GSG1L: variants seen among roughly 807,000 people sequenced by gnomAD.
GSG1L encodes the protein germ cell-specific gene 1-like protein.
GSG1L carries 24 observed loss-of-function variants against 42.1 expected under a neutral mutation model. The ratio of observed to expected loss-of-function variants is 0.57; its 90% CI spans 0.41 to 0.80. GSG1L has a LOEUF of 0.80. Among genes scored for constraint, GSG1L ranks in the 30% least tolerant of loss-of-function variants. The pLI is 0.00. For synonymous variants in GSG1L, 215 were observed against 203.5 expected, an observed-to-expected ratio of 1.06 and a Z score of -0.48; for missense variants, 445 against 472.2, an observed-to-expected ratio of 0.94 and a Z score of 0.53.
intron 3 of GSG1L, among the ~76,000 whole-genome samples, chr16:27,853,967 T>C (rs911590510): frequency 2.6e-5 from 4 of 152,034 alleles, no homozygotes. Flanking sequence ...GGTAACTAGA[T>C]AGAAAACACC....
At chr16:27,812,600 C>T (rs999656659) in intron 5 of GSG1L, among the ~76,000 whole-genome samples, 5 of 151,948 alleles carry the variant, frequency 3.3e-5, no homozygotes, top group African/African-American at 9.7e-5. Flanking sequence ...GAAGCCACCA[C>T]GGGAGTTTTT....
intron 6 of GSG1L, among the ~76,000 whole-genome samples, chr16:27,800,372 G>A (rs1428773309): frequency 6.6e-6 from 1 of 152,122 alleles, no homozygotes; most frequent in Admixed American, 6.5e-5. Context: ...CCACCTCCGC[G>A]CCCAGCATGC....
intron 6 of GSG1L, 64 bp from the exon 7 acceptor site, chr16:27,791,531 A>T: frequency 9.5e-7 from 1 of 1,048,870 alleles, no homozygotes. Flanking sequence ...CTGTCTACCC[A>T]CCGCCCCCCA....
At chr16:27,863,656 G>A (rs906616898) in intron 3 of GSG1L, among the ~76,000 whole-genome samples, 1 of 152,180 alleles carries the variant, frequency 6.6e-6, no homozygotes, top group Non-Finnish European at 1.5e-5. Context: ...GGCAACAGGG[G>A]ATTCCAGGCC....
chr16:28,000,984 A>C (rs2085573252), intron 1 of GSG1L, among the ~76,000 whole-genome samples: 1 of 152,136 alleles, frequency 6.6e-6, no homozygotes, highest in African/African-American at 2.4e-5. Flanking sequence ...TTGCAATTAC[A>C]AGTCAATTCT....
chr16:27,944,758 A>G (rs2141087214), intron 2 of GSG1L, among the ~76,000 whole-genome samples: 1 of 152,156 alleles, frequency 6.6e-6, no homozygotes, highest in Non-Finnish European at 1.5e-5. Flanking sequence ...ATGTGCCTAT[A>G]ATTAGCAAAT....
intron 2 of GSG1L, among the ~76,000 whole-genome samples, chr16:27,925,679 G>A (rs1305492461): frequency 2.0e-5 from 3 of 152,178 alleles, no homozygotes; most frequent in Admixed American, 6.5e-5. Flanking sequence ...CGGGAAGGAG[G>A]TGAGAGATTC....
At chr16:27,899,556 A>G (rs890697546) in intron 2 of GSG1L, among the ~76,000 whole-genome samples, 8 of 152,150 alleles carry the variant, frequency 5.3e-5, no homozygotes, top group African/African-American at 1.9e-4. Flanking sequence ...GCCTCTACAA[A>G]AATTTAAAAA....
At chr16:27,912,731 G>A (rs11074886) in intron 2 of GSG1L, among the ~76,000 whole-genome samples, 8 of 152,030 alleles carry the variant, frequency 5.3e-5, no homozygotes, top group African/African-American at 1.2e-4. Flanking sequence ...TGTGTCCTAC[G>A]ACCCAGCAAT....
At chr16:27,947,620 A>G (rs1315659913) in intron 2 of GSG1L, among the ~76,000 whole-genome samples, 1 of 151,920 alleles carries the variant, frequency 6.6e-6, no homozygotes, top group Non-Finnish European at 1.5e-5. Context: ...AGAAAAAGAA[A>G]AGTTCTCTGT....
chr16:27,951,485 T>C (rs927454351), intron 2 of GSG1L, among the ~76,000 whole-genome samples: 1 of 152,080 alleles, frequency 6.6e-6, no homozygotes, highest in African/African-American at 2.4e-5. Flanking sequence ...GTGAGAGTAA[T>C]TGATGCAGTC....
intron 3 of GSG1L, among the ~76,000 whole-genome samples, chr16:27,869,787 TTC>T (rs1012224599): frequency 3.1e-5 from 3 of 97,272 alleles, no homozygotes; most frequent in African/African-American, 1.2e-4. Context: ...CTCTCTCTCC[TTC>T]TCTCTTTGTC....
intron 1 of GSG1L, among the ~76,000 whole-genome samples, chr16:28,013,304 T>A (rs1197056688): frequency 2.0e-5 from 3 of 151,618 alleles, no homozygotes; most frequent in African/African-American, 7.3e-5. Context: ...GAGGTAACAT[T>A]TATGGAGAGT....
At position 28,036,885 on chromosome 16, in the gene GSG1L, A is replaced by G. The variant is rs555990090; in HGVS notation, c.349+26191T>C. ...CTCCCAGTCTCCTCTTTCCTTAAGCATTTCTTTAAAATGCTTCTTTCTGTA... is the reference window on the plus strand; with the variant it reads ...CTCCCAGTCTCCTCTTTCCTTAAGCGTTTCTTTAAAATGCTTCTTTCTGTA... On this transcript the variant is annotated intron_variant, in intron 1 of 6. Coordinates refer to ENST00000447459, the MANE Select transcript of GSG1L (RefSeq NM_001109763.2). 3.9e-5 allele frequency among the ~76,000 whole-genome samples: 6 copies of G among 152,224 alleles called. No homozygotes were observed. The East Asian group carries it at 1.2e-3, about 29-fold the overall frequency.
At chr16:27,811,458 T>C (rs1567465082) in intron 5 of GSG1L, among the ~76,000 whole-genome samples, 1 of 152,146 alleles carries the variant, frequency 6.6e-6, no homozygotes, top group Non-Finnish European at 1.5e-5. Flanking sequence ...AAACATTGGT[T>C]AGGAGAGTGG....
At position 28,059,675 on chromosome 16, in the gene GSG1L, C is replaced by T. The variant is rs1053898698; in HGVS notation, c.349+3401G>A. 2.0e-5 allele frequency among the ~76,000 whole-genome samples: 3 copies of T among 152,070 alleles called. No individual in the cohort carries two copies. Among genetic ancestry groups the T allele is most frequent in the African/African-American group, 7.2e-5 (3 of 41,390 alleles). The stretch of plus-strand genomic sequence containing the variant: ...GCCACCCCCACCACACTGACTAGAA[C>T]GATGCTTGCTTCTGCTCCCCACCAA... On this transcript the variant is annotated intron_variant, in intron 1 of 6. Coordinates refer to ENST00000447459, the MANE Select transcript of GSG1L (RefSeq NM_001109763.2). The surrounding 1 kb of genome is among the most constrained non-coding windows in gnomAD (Gnocchi z 4.4).
At chr16:27,808,088 CCT>C (rs2082989351) in intron 5 of GSG1L, among the ~76,000 whole-genome samples, 6 of 151,032 alleles carry the variant, frequency 4.0e-5, no homozygotes, top group African/African-American at 1.5e-4. Context: ...ATTTCCCTCC[CCT>C]CCGCCCACCC....
At chr16:27,795,344 G>A (rs978444645) in intron 6 of GSG1L, among the ~76,000 whole-genome samples, 1 of 152,144 alleles carries the variant, frequency 6.6e-6, no homozygotes, top group African/African-American at 2.4e-5. Context: ...TGATGGCAGG[G>A]GGCTGGGGAG....
At chr16:27,927,926 C>T (rs2084613664) in intron 2 of GSG1L, among the ~76,000 whole-genome samples, 1 of 152,130 alleles carries the variant, frequency 6.6e-6, no homozygotes, top group Middle Eastern at 3.2e-3. Flanking sequence ...TTCCTAAAAT[C>T]TCCCCAGGTG....
Sources: allele counts gnomAD v4.1 joint callset (sites outside exome capture counted in the v4.1 genomes callset), GRCh38; gene constraint gnomAD v4.1.1; non-coding constraint Gnocchi (gnomAD v3.1); transcripts MANE v1.5; gene names NCBI Gene and HGNC (gene_info 2026-07-23, HGNC 2026-07-21).